The following SUCNR1 variants were observed in gnomAD, a reference collection of about 807,000 sequenced individuals.
SUCNR1 encodes G-protein coupled receptor 91.
SUCNR1 carries 5 observed loss-of-function variants against 2.4 expected under a neutral mutation model. The ratio of observed to expected loss-of-function variants is 2.07; its 90% CI spans 1.08 to 4.36. The LOEUF (loss-of-function observed/expected upper bound fraction) is 4.36, where lower values mean the gene tolerates loss of function less well. Among genes scored for constraint, SUCNR1 ranks in the 30% most tolerant of loss-of-function variants. SUCNR1 has a pLI of 0.00. For missense variants in SUCNR1, 373 were observed against 399.2 expected, an observed-to-expected ratio of 0.93 and a Z score of 0.56; for synonymous variants, 162 against 143.9, an observed-to-expected ratio of 1.13 and a Z score of -0.90.
rs747738623 is a variant in SUCNR1, at chr3:151,881,297, C to T, written c.754C>T (p.Arg252Trp). Residue 252 changes from arginine to tryptophan, a missense_variant, in exon 3 of 3, where the codon CGG becomes TGG. Around this residue, in one of 3 missense-constraint regions of SUCNR1, gnomAD observed 157 missense variants for 178.7 expected, o/e 0.88. Coordinates refer to ENST00000362032, the MANE Select transcript of SUCNR1 (RefSeq NM_033050.6). ...GCTTTTTACACCCTATCACGTCATGCGGAATGTGAGGATCGCTTCACGCCT... is the reference window on the plus strand; with the variant it reads ...GCTTTTTACACCCTATCACGTCATGTGGAATGTGAGGATCGCTTCACGCCT... ...SVLFTPYHVM[R>W]NVRIASRLGS... The T allele has an allele frequency of 3.8e-5, 61 of 1,614,060 alleles. No homozygotes were observed. The highest frequency in any genetic ancestry group is 4.7e-5 in the Non-Finnish European group (56 of 1,180,024).
At chr3:151,878,550 G>A (rs75824320) in intron 1 of SUCNR1, among the ~76,000 whole-genome samples, 4,226 of 152,112 alleles carry the variant, frequency 0.028, 197 homozygotes, top group African/African-American at 0.097. Flanking sequence ...GAGAAATATA[G>A]GAATATGCTG....
chr3:151,879,732 G>C (rs1003723637), intron 1 of SUCNR1, 120 bp from the exon 2 acceptor site: 10 of 467,282 alleles, frequency 2.1e-5, no homozygotes, highest in African/African-American at 1.4e-4. Context: ...TTTTAAAACT[G>C]AAGTTGTATC....
rs753706901 is a variant in SUCNR1, at chr3:151,880,838, C to T, written c.295C>T (p.Arg99Ter). 14 of 1,613,956 alleles carry T rather than the reference C, an allele frequency of 8.7e-6. No individual in the cohort carries two copies. Among genetic ancestry groups the T allele is most frequent in the Admixed American group, 6.7e-5 (4 of 59,966 alleles). ...IYGDVLCISN[R>*]YVLHANLYTS... ...TGGAGACGTGCTCTGCATAAGCAAC[C>T]GATATGTGCTTCATGCCAACCTCTA... Residue 99 changes from arginine (R) to a stop codon, truncating the protein, a stop_gained, in exon 3 of 3, where the codon CGA becomes TGA. Transcript: ENST00000362032. LOFTEE classifies it low-confidence loss of function (END_TRUNC).
At chr3:151,880,182 A>G (rs1203277480) in intron 2 of SUCNR1, among the ~76,000 whole-genome samples, 1 of 152,132 alleles carries the variant, frequency 6.6e-6, no homozygotes, top group Non-Finnish European at 1.5e-5. Flanking sequence ...CCTCCATCCC[A>G]AAACTTTCTA....
At position 151,883,159 on chromosome 3, in the gene SUCNR1, C is replaced by T. The variant is rs978867305; in HGVS notation, c.*1611C>T. 6 of 151,830 alleles carry T rather than the reference C, an allele frequency of 4.0e-5. No homozygotes were observed. Among genetic ancestry groups the T allele is most frequent in the African/African-American group, 1.5e-4 (6 of 41,364 alleles). The allele number at this position is 151,830 out of a possible 1,614,324, so 9.4% of individuals were successfully genotyped here. On this transcript the variant is annotated 3_prime_UTR_variant, in exon 3 of 3. Coordinates refer to ENST00000362032, the MANE Select transcript of SUCNR1 (RefSeq NM_033050.6). The stretch of plus-strand genomic sequence containing the variant: ...GGCTTTAAGATATTTTCTGCCATGC[C>T]TTGCCTTTAGTATCAATATTTTAAA...
Position 151,881,312 on chromosome 3 carries a change from G to C in SUCNR1, c.769G>C (p.Ala257Pro), listed in dbSNP as rs749227853. The change falls in exon 3 of 3, where the codon GCT (alanine) becomes CCT (proline). Residue 257 changes from alanine to proline, a missense_variant. Coordinates refer to ENST00000362032, the MANE Select transcript of SUCNR1 (RefSeq NM_033050.6). ...PYHVMRNVRI[A>P]SRLGSWKQYQ... Reference sequence around the variant, plus strand: ...TCACGTCATGCGGAATGTGAGGATCGCTTCACGCCTGGGGAGTTGGAAGCA... The same window carrying C: ...TCACGTCATGCGGAATGTGAGGATCCCTTCACGCCTGGGGAGTTGGAAGCA... The C allele has an allele frequency of 2.5e-6, 4 of 1,614,064 alleles. No homozygotes were observed. The African/African-American group carries it at 5.3e-5, about 22-fold the overall frequency.
chr3:151,878,234 G>A (rs562530262), intron 1 of SUCNR1, among the ~76,000 whole-genome samples: 1 of 151,920 alleles, frequency 6.6e-6, no homozygotes, highest in African/African-American at 2.4e-5. Flanking sequence ...GAAGAGGAGA[G>A]GAACACGTGA....
chr3:151,880,823 C>G lies in SUCNR1; in HGVS notation c.280C>G (p.Leu94Val). The change falls in exon 3 of 3, where the codon CTC becomes GTC. Residue 94 changes from leucine (L) to valine (V), a missense_variant. Physicochemically the swap from Leu to Val is conservative, Grantham distance 32. This residue lies in a region of SUCNR1 where 184 missense variants were observed against 162.2 expected (regional missense o/e 1.13). Coordinates refer to ENST00000362032, the MANE Select transcript of SUCNR1 (RefSeq NM_033050.6). ...TGGAAACTGGATATATGGAGACGTG[C>G]TCTGCATAAGCAACCGATATGTGCT... Reference protein sequence around the residue: ...ANGNWIYGDVLCISNRYVLHA... With the variant: ...ANGNWIYGDVVCISNRYVLHA... The G allele has an allele frequency of 6.2e-7, 1 of 1,614,148 alleles. No individual in the cohort carries two copies. The highest frequency in any genetic ancestry group is 8.5e-7 in the Non-Finnish European group (1 of 1,180,016).
rs1718056933 is a variant in SUCNR1 at position 151,880,562 on chromosome 3, T to C, written c.19T>C (p.Trp7Arg). 1.9e-6 allele frequency: 3 copies of C among 1,599,748 alleles called. No individual in the cohort carries two copies. Among genetic ancestry groups the C allele is most frequent in the Non-Finnish European group, 2.6e-6 (3 of 1,173,740 alleles). ...ATATTTTCTCTCTCTTCTTTAGGCA[T>C]GGAATGCAACTTGCAAAAACTGGCT... MLGIMA[W>R]NATCKNWLAA... is the part of the protein sequence containing the mutation. The change falls in exon 3 of 3, where the codon TGG (tryptophan) becomes CGG (arginine). Residue 7 changes from tryptophan to arginine, a missense_variant. Trp to Arg is a moderately radical substitution (Grantham distance 101, BLOSUM62 -3). Around this residue, in one of 3 missense-constraint regions of SUCNR1, gnomAD observed 184 missense variants for 162.2 expected, o/e 1.13. Coordinates refer to ENST00000362032, the MANE Select transcript of SUCNR1 (RefSeq NM_033050.6).
chr3:151,881,533 A>G lies in SUCNR1; in HGVS notation c.990A>G (p.Ser330=), dbSNP rs1018279676. 7.5e-6 allele frequency: 12 copies of G among 1,596,130 alleles called. No individual in the cohort carries two copies. Among genetic ancestry groups the G allele is most frequent in the Non-Finnish European group, 1.0e-5 (12 of 1,173,940 alleles). ...FSRWAHELLL[S]FREK ...GATGGGCTCATGAACTCCTACTTTC[A>G]TTCAGAGAAAAGTGAGGGGCTTGTG... The change falls in exon 3 of 3, where the codon TCA becomes TCG. Residue 330 remains serine, a synonymous_variant. Transcript: ENST00000362032.
At chr3:151,876,690 C>A (rs1197211684) in intron 1 of SUCNR1, among the ~76,000 whole-genome samples, 2 of 151,990 alleles carry the variant, frequency 1.3e-5, no homozygotes, top group Admixed American at 1.3e-4. Context: ...TTCTAAACTA[C>A]AGCTACTACT....
chr3:151,876,725 TTATCA>T (rs1170478692), intron 1 of SUCNR1, among the ~76,000 whole-genome samples: 1 of 151,454 alleles, frequency 6.6e-6, no homozygotes, highest in African/African-American at 2.5e-5. Flanking sequence ...TTTTTAATAC[TTATCA>T]TATTATATTA....
At chr3:151,879,966 G>T (rs150616823) in intron 2 of SUCNR1, 59 bp downstream of exon 2, 1 of 1,356,018 alleles carries the variant, frequency 7.4e-7, no homozygotes, top group South Asian at 1.4e-5. Context: ...TTTATCATAC[G>T]TTCCCTTTGT....
Position 151,881,070 on chromosome 3 carries a change from CA to C in SUCNR1, c.529del (p.Ser177ValfsTer15), listed in dbSNP as rs772286179. On this transcript the variant is annotated frameshift_variant, in exon 3 of 3. Transcript: ENST00000362032. LOFTEE classifies it low-confidence loss of function (END_TRUNC). Reference sequence around the variant, plus strand: ...AATGGCACCACCTGTAATGATTTTGCAAGTTCTGGAGACCCCAACTACAACC... The same window carrying C: ...AATGGCACCACCTGTAATGATTTTGCAGTTCTGGAGACCCCAACTACAACC... Reference protein sequence around the residue: ...TDNGTTCNDFASSGDPNYNLI... With the variant: ...TDNGTTCNDFXSSGDPNYNLI... 1 of 1,614,124 alleles carries C rather than the reference CA, an allele frequency of 6.2e-7. No individual in the cohort carries two copies. Among genetic ancestry groups the C allele is most frequent in the African/African-American group, 1.3e-5 (1 of 75,036 alleles).
intron 1 of SUCNR1, 31 bp from the exon 2 acceptor site, chr3:151,879,821 A>T: frequency 9.2e-7 from 1 of 1,086,042 alleles, no homozygotes; most frequent in Non-Finnish European, 1.3e-6. Context: ...AGTGAGACTG[A>T]AGTTCTAAAA....
At chr3:151,874,142 ATATATTTTTTTTT>A (rs1197719563) in intron 1 of SUCNR1, among the ~76,000 whole-genome samples, 49 of 53,162 alleles carry the variant, frequency 9.2e-4, no homozygotes, top group Non-Finnish European at 8.8e-4. Flanking sequence ...ATATATATAT[ATATATTTTTTTTT>A]TTTTTTTTTT....
rs201901467 is a variant in SUCNR1, at chr3:151,880,711, C to T, written c.168C>T (p.Asn56=). ...ACATCTTCTCTCTGAAGAACTGGAA[C>T]AGCAGTAATATTTATCTCTTTAACC... The part of the protein sequence containing the change: ...YGYIFSLKNW[N]SSNIYLFNLS... The change falls in exon 3 of 3, where the codon AAC becomes AAT. Residue 56 remains asparagine (N), a synonymous_variant. Transcript: ENST00000362032. 3.7e-6 allele frequency: 6 copies of T among 1,614,064 alleles called. No homozygotes were observed. Among genetic ancestry groups the T allele is most frequent in the Non-Finnish European group, 5.1e-6 (6 of 1,179,946 alleles).
intron 1 of SUCNR1, among the ~76,000 whole-genome samples, chr3:151,876,278 T>C (rs1465987564): frequency 6.6e-6 from 1 of 152,070 alleles, no homozygotes; most frequent in Non-Finnish European, 1.5e-5. Context: ...TGTTGTGTCA[T>C]AGAAGATAGG....
intron 1 of SUCNR1, among the ~76,000 whole-genome samples, chr3:151,875,027 G>A (rs1717882705): frequency 6.6e-6 from 1 of 151,948 alleles, no homozygotes; most frequent in Non-Finnish European, 1.5e-5. Flanking sequence ...TATATTTAAA[G>A]TAAAAAACAT....
Sources: allele counts gnomAD v4.1 joint callset (sites outside exome capture counted in the v4.1 genomes callset), GRCh38; gene constraint gnomAD v4.1.1; regional missense constraint gnomAD v4.1.1; transcripts MANE v1.5; gene names NCBI Gene and HGNC (gene_info 2026-07-23, HGNC 2026-07-21).